The following PPIE variants were observed in gnomAD, a reference collection of about 807,000 sequenced individuals.
The protein encoded by PPIE is peptidyl-prolyl cis-trans isomerase E.
PPIE carries 20 observed loss-of-function variants against 38.4 expected under a neutral mutation model. The ratio of observed to expected loss-of-function variants is 0.52; its 90% confidence interval spans 0.37 to 0.76. The LOEUF is 0.76. Ranked by LOEUF, PPIE falls within the 30% of genes least tolerant of loss-of-function variation. PPIE has a pLI of 0.00. For synonymous variants in PPIE, 142 were observed against 135.7 expected, an observed-to-expected ratio of 1.05 and a Z score of -0.32; for missense variants, 322 against 385.8, an observed-to-expected ratio of 0.83 and a Z score of 1.39.
downstream of PPIE, chr1:39,760,323 C>G (rs1467378677): frequency 3.2e-6 from 5 of 1,558,558 alleles, no homozygotes; most frequent in Non-Finnish European, 4.3e-6. Flanking sequence ...CTGGCAATGC[C>G]CCGGCCTGGG....
intron 9 of PPIE, chr1:39,762,724 C>T (rs973933782): frequency 1.9e-5 from 27 of 1,438,052 alleles, no homozygotes; most frequent in South Asian, 2.9e-5. Flanking sequence ...CCAGCGTACT[C>T]GGCGGCCCGT....
intron 2 of PPIE, among the ~76,000 whole-genome samples, chr1:39,740,646 TG>T (rs1403307607): frequency 1.3e-5 from 2 of 152,046 alleles, no homozygotes; most frequent in African/African-American, 2.4e-5. Flanking sequence ...AGCCCCATAA[TG>T]GGGGTGGGTG....
intron 6 of PPIE, 56 bp from the exon 7 acceptor site, chr1:39,745,319 C>T (rs769593026): frequency 1.7e-4 from 272 of 1,610,000 alleles, no homozygotes; most frequent in Non-Finnish European, 2.2e-4. Context: ...AATACTCGCA[C>T]TCCTACTTAG....
chr1:39,763,591 A>C lies in PPIE; in HGVS notation c.838-98A>C, dbSNP rs564555384. ...TCTCACTTTAGAAAACTTGGAAAAC[A>C]CAGAAGAAAAAAATACATAAGAAAA... On this transcript the variant is annotated intron_variant, in intron 9 of 9. Transcript: ENST00000356511. 15 of 1,386,046 alleles carry C rather than the reference A, an allele frequency of 1.1e-5. 1 individual carries two copies. Among genetic ancestry groups the C allele is most frequent in the Admixed American group, 2.6e-5 (1 of 38,652 alleles). 85.9% of individuals were successfully genotyped at this position (1,386,046 alleles called of 1,614,324 possible). A position where few individuals can be genotyped will look rare whatever the true frequency, so the allele number is the denominator to read the frequency against.
chr1:39,758,891 C>T (rs1439290670), downstream of PPIE: 1 of 152,272 alleles, frequency 6.6e-6, no homozygotes, highest in Non-Finnish European at 1.5e-5. Flanking sequence ...GCCCCAGCCT[C>T]CACCCCTGCT....
intron 8 of PPIE, among the ~76,000 whole-genome samples, chr1:39,750,370 C>G (rs1370541913): frequency 2.6e-5 from 4 of 152,142 alleles, no homozygotes; most frequent in Non-Finnish European, 5.9e-5. Flanking sequence ...ATCATCTTAT[C>G]CCACCTCCCA....
At position 39,745,394 on chromosome 1, in the gene PPIE, A is replaced by T. The variant is rs1647170200; in HGVS notation, c.404A>T (p.Lys135Met). ...ETQEGEPIAK[K>M]ARSNPQVYMD... is the part of the protein sequence containing the mutation. ...ACCTAGGGAGAGCCCATTGCTAAAA[A>T]GGCCCGCTCAAATCCTCAGGTGTAC... Residue 135 changes from lysine (K) to methionine (M), a missense_variant, in exon 7 of 10, where the codon AAG becomes ATG. Physicochemically the swap from Lys to Met is moderately conservative, Grantham distance 95. Transcript: ENST00000324379. The T allele has an allele frequency of 1.2e-6, 2 of 1,614,232 alleles. No individual in the cohort carries two copies. The highest frequency in any genetic ancestry group is 1.3e-5 in the African/African-American group (1 of 75,058).
chr1:39,750,786 C>A (rs1471317659), intron 8 of PPIE, among the ~76,000 whole-genome samples: 1 of 152,176 alleles, frequency 6.6e-6, no homozygotes, highest in Non-Finnish European at 1.5e-5. Flanking sequence ...AGAGCCCATT[C>A]TTTGGTTCTC....
chr1:39,753,953 TA>T lies in PPIE; in HGVS notation c.*599del. 1 of 985,446 alleles carries T rather than the reference TA, an allele frequency of 1.0e-6. No homozygotes were observed. The highest frequency in any genetic ancestry group is 1.2e-6 in the Non-Finnish European group (1 of 829,934). The allele number at this position is 985,446 out of a possible 1,614,324, so 61.0% of individuals were successfully genotyped here. On this transcript the variant is annotated 3_prime_UTR_variant, in exon 10 of 10. Coordinates refer to ENST00000324379, the MANE Select transcript of PPIE (RefSeq NM_006112.4). The stretch of plus-strand genomic sequence containing the variant: ...TGCTCCTAAACCCAGCTGCCGGCCT[TA>T]CAGCCAGCAAGTGTACTCTCAGTGG...
intron 6 of PPIE, among the ~76,000 whole-genome samples, chr1:39,744,881 C>G (rs1052857034): frequency 6.6e-6 from 1 of 152,228 alleles, no homozygotes; most frequent in African/African-American, 2.4e-5. Flanking sequence ...CCACTGTCTT[C>G]TGAGCACTTA....
intron 8 of PPIE, 141 bp downstream of exon 8, chr1:39,749,229 A>G (rs1162743116): frequency 2.3e-6 from 2 of 862,302 alleles, no homozygotes; most frequent in East Asian, 2.7e-5. Context: ...TAGGAGAACC[A>G]TGCAGCCTTG....
In PPIE at chr1:39,752,926, C is replaced by G. The variant is rs139269793; in HGVS notation, c.711C>G (p.Ala237=). 5.6e-6 allele frequency: 9 copies of G among 1,613,800 alleles called. No individual in the cohort carries two copies. The highest frequency in any genetic ancestry group is 6.8e-6 in the Non-Finnish European group (8 of 1,179,900). ...CTCCCTCAGGTCTACTATCCATGGC[C>G]AACTCTGGCCCAAACACCAATGGCT... The part of the protein sequence containing the change: ...KHTGPGLLSM[A]NSGPNTNGSQ... Residue 237 remains alanine, a synonymous_variant, in exon 9 of 10, where the codon GCC becomes GCG. Coordinates refer to ENST00000324379, the MANE Select transcript of PPIE (RefSeq NM_006112.4).
In PPIE at chr1:39,738,946, T is replaced by A; in HGVS notation, c.31+15T>A. On this transcript the variant is annotated intron_variant, in intron 1 of 9. Transcript: ENST00000324379. ...CTTGTACGTGGGTGAGCAGGAGGGG[T>A]TGCTAGGCGGAGTCTGAGTGAACGC... The A allele has an allele frequency of 6.8e-7, 1 of 1,463,810 alleles. No homozygotes were observed. The highest frequency in any genetic ancestry group is 2.7e-5 in the East Asian group (1 of 36,830). The allele number at this position is 1,463,810 out of a possible 1,614,324, so 90.7% of individuals were successfully genotyped here. A position where few individuals can be genotyped will look rare whatever the true frequency, so the allele number is the denominator to read the frequency against.
chr1:39,762,496 A>G, intron 9 of PPIE: 1 of 1,545,798 alleles, frequency 6.5e-7, no homozygotes, highest in Non-Finnish European at 8.7e-7. Context: ...TCCCATCAGA[A>G]ACCTGCTTTT....
At chr1:39,743,768 C>T in intron 5 of PPIE, 56 bp from the exon 6 acceptor site, 1 of 1,456,796 alleles carries the variant, frequency 6.9e-7, no homozygotes, top group East Asian at 2.3e-5. Flanking sequence ...AAAGCAGCTA[C>T]TTTTCAGTTC....
At chr1:39,748,690 G>A in intron 7 of PPIE, 1 of 532,120 alleles carries the variant, frequency 1.9e-6, no homozygotes, top group Non-Finnish European at 3.3e-6. Flanking sequence ...AACTGAGATT[G>A]TGCCATTGCA....
rs896176785 is a variant in PPIE at position 39,754,010 on chromosome 1, A to C, written c.*655A>C. The C allele has an allele frequency of 7.1e-6, 7 of 985,228 alleles. No individual in the cohort carries two copies. The highest frequency in any genetic ancestry group is 5.2e-5 in the African/African-American group (3 of 57,214). 61.0% of individuals were successfully genotyped at this position (985,228 alleles called of 1,614,324 possible). On this transcript the variant is annotated 3_prime_UTR_variant, in exon 10 of 10. Transcript: ENST00000324379. Reference sequence around the variant, plus strand: ...TTGTTTATTTGTTCACTTTCACCCTACAGATTTTAAAAAATGAAATTTTTA... The same window carrying C: ...TTGTTTATTTGTTCACTTTCACCCTCCAGATTTTAAAAAATGAAATTTTTA...
At chr1:39,740,515 G>C (rs2124287843) in intron 2 of PPIE, among the ~76,000 whole-genome samples, 1 of 152,310 alleles carries the variant, frequency 6.6e-6, no homozygotes, top group East Asian at 1.9e-4. Context: ...CAATAGACCA[G>C]TAGGGAGATA....
downstream of PPIE, chr1:39,758,140 CTG>C (rs1225785183): frequency 2.0e-5 from 3 of 152,216 alleles, no homozygotes; most frequent in Non-Finnish European, 4.4e-5. Flanking sequence ...GTCAAAATAA[CTG>C]GCTAATTTAA....
Sources: allele counts gnomAD v4.1 joint callset (sites outside exome capture counted in the v4.1 genomes callset), GRCh38; gene constraint gnomAD v4.1.1; transcripts MANE v1.5; gene names NCBI Gene and HGNC (gene_info 2026-07-23, HGNC 2026-07-21).